NAPG: variants seen among roughly 807,000 people sequenced by gnomAD.
The protein encoded by NAPG is gamma-soluble NSF attachment protein.
In NAPG, 25 loss-of-function variants were observed where a neutral mutation model predicts 48.4. That is an observed-to-expected ratio of 0.52 (90% confidence interval 0.38 to 0.72). The LOEUF is 0.72. Among genes scored for constraint, NAPG ranks in the 30% least tolerant of loss-of-function variants. The probability of loss-of-function intolerance (pLI) is 0.00; values close to 1 mark genes in which losing one functional copy is unlikely to be tolerated. For synonymous variants in NAPG, 139 were observed against 127.2 expected, an observed-to-expected ratio of 1.09 and a Z score of -0.62; for missense variants, 359 against 372.5, an observed-to-expected ratio of 0.96 and a Z score of 0.30.
intron 5 of NAPG, among the ~76,000 whole-genome samples, chr18:10,538,620 A>G (rs2032083957): frequency 6.6e-6 from 1 of 152,172 alleles, no homozygotes; most frequent in Admixed American, 6.5e-5. Context: ...ATTTTCATAG[A>G]TTTCCCAAAG....
rs560122361 is a variant in NAPG, at chr18:10,546,919, T to G, written c.585+515T>G. On this transcript the variant is annotated intron_variant, in intron 9 of 11. Transcript: ENST00000322897. This position sits in a 1 kb window ranked among gnomAD's most constrained non-coding sequence, Gnocchi z 4.0. ...CATGGAGCTACACTGTGATGATGGC[T>G]CAGGTTGATAAAACTCCACAAGGAC... Among the ~76,000 whole-genome samples the G allele has an allele frequency of 6.6e-6, 1 of 152,152 alleles. No homozygotes were observed. Among genetic ancestry groups the G allele is most frequent in the African/African-American group, 2.4e-5 (1 of 41,426 alleles).
rs2031997088 is a variant in NAPG, at chr18:10,534,687, A to G, written c.258+191A>G. On this transcript the variant is annotated intron_variant, in intron 5 of 11. Coordinates refer to ENST00000322897, the MANE Select transcript of NAPG (RefSeq NM_003826.3). The surrounding 1 kb of genome is among the most constrained non-coding windows in gnomAD (Gnocchi z 5.0). ...TCTGTACGTCTTAAGGAATGTTAAA[A>G]GTGAAATTTAAGAGAAAATGTATTG... Among the ~76,000 whole-genome samples the G allele has an allele frequency of 6.6e-6, 1 of 152,236 alleles. No homozygotes were observed. The highest frequency in any genetic ancestry group is 1.5e-5 in the Non-Finnish European group (1 of 68,038).
rs959802075 is a variant in NAPG, at chr18:10,539,392, G to A, written c.259-370G>A. ...ATGAAGCTGGAAGCCATCATTCTTG[G>A]CAAACTAACAAACACAGGAACAGAA... On this transcript the variant is annotated intron_variant, in intron 5 of 11. Coordinates refer to ENST00000322897, the MANE Select transcript of NAPG (RefSeq NM_003826.3). This position sits in a 1 kb window ranked among gnomAD's most constrained non-coding sequence, Gnocchi z 4.7. 58 of 192,350 alleles carry A rather than the reference G, an allele frequency of 3.0e-4. No individual in the cohort carries two copies. Among genetic ancestry groups the A allele is most frequent in the African/African-American group, 1.3e-3 (56 of 42,348 alleles). The allele number at this position is 192,350 out of a possible 1,614,324, so 11.9% of individuals were successfully genotyped here. A position where few individuals can be genotyped will look rare whatever the true frequency, so the allele number is the denominator to read the frequency against.
chr18:10,541,948 T>G (rs1009118498), intron 8 of NAPG, among the ~76,000 whole-genome samples: 10 of 152,334 alleles, frequency 6.6e-5, no homozygotes, highest in Admixed American at 5.9e-4. Context: ...GGAGGTCAGA[T>G]GAGGAACGTT....
chr18:10,540,932 A>G (rs191826289), intron 8 of NAPG, among the ~76,000 whole-genome samples: 3 of 149,910 alleles, frequency 2.0e-5, no homozygotes, highest in Admixed American at 6.7e-5. Flanking sequence ...TTAGTAAACA[A>G]TTTTTTTCAT....
Position 10,551,598 on chromosome 18 carries a change from C to G in NAPG, c.*1378C>G, listed in dbSNP as rs565892113. ...CAGCAGTGTGCGTTCTGCAGGTACACGCTGCCAAAGTAATTCCTGCTCATC... is the reference window on the plus strand; with the variant it reads ...CAGCAGTGTGCGTTCTGCAGGTACAGGCTGCCAAAGTAATTCCTGCTCATC... On this transcript the variant is annotated 3_prime_UTR_variant, in exon 12 of 12. Transcript: ENST00000322897. 2.6e-4 allele frequency: 39 copies of G among 152,224 alleles called. No homozygotes were observed. The highest frequency in any genetic ancestry group is 3.9e-4 in the Admixed American group (6 of 15,288). The allele number at this position is 152,224 out of a possible 1,614,324, so 9.4% of individuals were successfully genotyped here. A position where few individuals can be genotyped will look rare whatever the true frequency, so the allele number is the denominator to read the frequency against.
chr18:10,529,981 G>A (rs925492495), intron 1 of NAPG, among the ~76,000 whole-genome samples: 3 of 152,096 alleles, frequency 2.0e-5, no homozygotes, highest in African/African-American at 7.2e-5. Flanking sequence ...GACAGTTACT[G>A]AATTAGTTTA....
intron 1 of NAPG, chr18:10,526,434 G>C: frequency 2.1e-6 from 1 of 470,264 alleles, no homozygotes; most frequent in East Asian, 3.8e-5. Context: ...GTGCTGCGGG[G>C]CGAGGGCTTC....
At chr18:10,540,087 C>T in intron 7 of NAPG, 33 bp downstream of exon 7, 1 of 1,481,088 alleles carries the variant, frequency 6.8e-7, no homozygotes, top group Non-Finnish European at 9.1e-7. Context: ...TCTTTAATTA[C>T]TTAGAATGTT....
chr18:10,527,905 G>C (rs1376096461), intron 1 of NAPG, among the ~76,000 whole-genome samples: 1 of 152,046 alleles, frequency 6.6e-6, no homozygotes, highest in Non-Finnish European at 1.5e-5. Flanking sequence ...GTGGCAGCAG[G>C]CTGGGCCCTG....
At chr18:10,545,719 G>A (rs978984758) in intron 8 of NAPG, among the ~76,000 whole-genome samples, 7 of 152,218 alleles carry the variant, frequency 4.6e-5, no homozygotes, top group African/African-American at 9.6e-5. Context: ...CCTTGCTTTC[G>A]TCTTCATTCT....
intron 8 of NAPG, among the ~76,000 whole-genome samples, chr18:10,545,808 G>A (rs888022185): frequency 1.3e-5 from 2 of 152,232 alleles, no homozygotes; most frequent in Non-Finnish European, 2.9e-5. Flanking sequence ...GAAGATGCAG[G>A]AAGGCTTTTG....
Position 10,550,358 on chromosome 18 carries a change from T to C in NAPG, c.*138T>C. Reference sequence around the variant, plus strand: ...ATCCTAATAAAGACTAGTTTTTAGTTACCATCTTCCCAAATCACTCATTGT... The same window carrying C: ...ATCCTAATAAAGACTAGTTTTTAGTCACCATCTTCCCAAATCACTCATTGT... On this transcript the variant is annotated 3_prime_UTR_variant, in exon 12 of 12. Transcript: ENST00000322897. 1.2e-6 allele frequency: 1 copy of C among 865,934 alleles called. No individual in the cohort carries two copies. Among genetic ancestry groups the C allele is most frequent in the Non-Finnish European group, 1.7e-6 (1 of 602,328 alleles). The allele number at this position is 865,934 out of a possible 1,614,324, so 53.6% of individuals were successfully genotyped here. A position where few individuals can be genotyped will look rare whatever the true frequency, so the allele number is the denominator to read the frequency against.
rs1174650710 is a variant in NAPG, at chr18:10,539,652, A to C, written c.259-110A>C. 1 of 860,568 alleles carries C rather than the reference A, an allele frequency of 1.2e-6. No homozygotes were observed. The highest frequency in any genetic ancestry group is 1.9e-6 in the Non-Finnish European group (1 of 536,990). 53.3% of individuals were successfully genotyped at this position (860,568 alleles called of 1,614,324 possible). ...TATGTAACAAACCTGCACATTCTGC[A>C]CATGTGTCCCAGAACTTAAAATAAA... On this transcript the variant is annotated intron_variant, in intron 5 of 11. Coordinates refer to ENST00000322897, the MANE Select transcript of NAPG (RefSeq NM_003826.3). The surrounding 1 kb of genome is among the most constrained non-coding windows in gnomAD (Gnocchi z 4.7).
At chr18:10,547,113 G>A (rs778338549) in intron 9 of NAPG, among the ~76,000 whole-genome samples, 3 of 152,212 alleles carry the variant, frequency 2.0e-5, no homozygotes, top group Non-Finnish European at 4.4e-5. Context: ...GCAGTGCAGC[G>A]CAAAGCTTGG....
intron 1 of NAPG, among the ~76,000 whole-genome samples, chr18:10,529,677 T>G (rs1017862188): frequency 3.3e-5 from 5 of 152,106 alleles, no homozygotes; most frequent in African/African-American, 1.2e-4. Flanking sequence ...CACTTGAACC[T>G]GGGAGGCGGA....
chr18:10,532,873 C>A, intron 3 of NAPG, 78 bp downstream of exon 3: 2 of 1,174,198 alleles, frequency 1.7e-6, no homozygotes, highest in South Asian at 1.5e-5. Context: ...TGTAAATTTA[C>A]TTTACTACCT....
At position 10,544,416 on chromosome 18, in the gene NAPG, T is replaced by C. The variant is rs1036196007; in HGVS notation, c.507-1910T>C. ...TGGGTCCTTTTCCAAGCTCATTGAT[T>C]GTTGGCAGAATTGATTTCCTTGCAG... On this transcript the variant is annotated intron_variant, in intron 8 of 11. Transcript: ENST00000322897. This position sits in a 1 kb window ranked among gnomAD's most constrained non-coding sequence, Gnocchi z 5.1. Among the ~76,000 whole-genome samples the C allele has an allele frequency of 5.3e-5, 8 of 152,190 alleles. No homozygotes were observed. Among genetic ancestry groups the C allele is most frequent in the Admixed American group, 1.3e-4 (2 of 15,282 alleles).
chr18:10,538,079 G>GT (rs3838368), intron 5 of NAPG, among the ~76,000 whole-genome samples: 58,878 of 151,174 alleles, frequency 0.39, 11,819 homozygotes, highest in African/African-American at 0.49. Flanking sequence ...TTTAAACGGT[G>GT]TTTTTTTTTA....
Sources: allele counts gnomAD v4.1 joint callset (sites outside exome capture counted in the v4.1 genomes callset), GRCh38; gene constraint gnomAD v4.1.1; non-coding constraint Gnocchi (gnomAD v3.1); transcripts MANE v1.5; gene names NCBI Gene and HGNC (gene_info 2026-07-23, HGNC 2026-07-21).